Variants in RBFOX1 observed in about 807,000 individuals in gnomAD.
RBFOX1 encodes RNA binding fox-1 homolog 1, also known as RNA binding protein fox-1 homolog 1.
A neutral mutation model predicts 57.7 loss-of-function variants in RBFOX1; 8 were observed. That is an observed-to-expected ratio of 0.14 (90% CI 0.08 to 0.25). The LOEUF is 0.25. Ranked by LOEUF, RBFOX1 falls within the 10% of genes least tolerant of loss-of-function variation. The pLI is 1.00. For synonymous variants in RBFOX1, 326 were observed against 222.4 expected (o/e 1.47, Z -4.15); for missense variants, 611 against 548.5 (o/e 1.11, Z -1.14).
chr16:7,462,416 A>T (rs1048020340), intron 4 of RBFOX1, among the ~76,000 whole-genome samples: 1 of 152,212 alleles, frequency 6.6e-6, no homozygotes, highest in African/African-American at 2.4e-5. Flanking sequence ...ACTTAAACCC[A>T]GGAGGCAGAG....
chr16:6,186,754 G>T (rs373330926), intron 1 of RBFOX1, among the ~76,000 whole-genome samples: 2 of 152,176 alleles, frequency 1.3e-5, no homozygotes, highest in Non-Finnish European at 2.9e-5. Flanking sequence ...GGGGAGCAGT[G>T]AACATGGCAA....
At chr16:6,337,748 G>T (rs1371627239) in intron 2 of RBFOX1, among the ~76,000 whole-genome samples, 3 of 152,108 alleles carry the variant, frequency 2.0e-5, no homozygotes, top group African/African-American at 7.2e-5. Context: ...AAAAATAAAA[G>T]TATTAAAGTG....
intron 13 of RBFOX1, 46 bp downstream of exon 13, chr16:7,665,014 T>C: frequency 6.2e-7 from 1 of 1,613,608 alleles, no homozygotes; most frequent in Non-Finnish European, 8.5e-7. Context: ...CCTCCTGGAG[T>C]CATTCTTTTT....
At chr16:6,354,607 C>G (rs967376381) in intron 2 of RBFOX1, among the ~76,000 whole-genome samples, 4 of 152,302 alleles carry the variant, frequency 2.6e-5, no homozygotes, top group Non-Finnish European at 5.9e-5. Flanking sequence ...CTTCTGTTTC[C>G]TCTTCCTGAC....
At chr16:6,156,549 A>C (rs7191026) in intron 1 of RBFOX1, among the ~76,000 whole-genome samples, 32,654 of 152,126 alleles carry the variant, frequency 0.21, 6,225 homozygotes, top group African/African-American at 0.52. Context: ...TCTTTTGGCA[A>C]AGTTGTGTGG....
At chr16:5,390,267 A>AT (rs1467175841) in intron 1 of RBFOX1, among the ~76,000 whole-genome samples, 3 of 147,908 alleles carry the variant, frequency 2.0e-5, no homozygotes, top group Non-Finnish European at 4.5e-5. Context: ...TAGTATGTAA[A>AT]TATCGAAAAG....
intron 1 of RBFOX1, among the ~76,000 whole-genome samples, chr16:6,303,296 A>G (rs1453005956): frequency 1.3e-5 from 2 of 152,094 alleles, no homozygotes; most frequent in African/African-American, 4.8e-5. Context: ...ATTAAATAAG[A>G]TAATAAGGTG....
At chr16:5,796,891 T>A in intron 3 of RBFOX1, among the ~76,000 whole-genome samples, 1 of 152,224 alleles carries the variant, frequency 6.6e-6, no homozygotes, top group East Asian at 1.9e-4. Flanking sequence ...GTTCATCGAT[T>A]ATTTACTCAT....
intron 4 of RBFOX1, among the ~76,000 whole-genome samples, chr16:7,176,143 C>G (rs1392835586): frequency 2.0e-5 from 3 of 150,854 alleles, no homozygotes; most frequent in African/African-American, 7.4e-5. Flanking sequence ...CCCGGTGCTA[C>G]ATGCTAGGTG....
At chr16:6,958,435 G>A (rs998017325) in intron 3 of RBFOX1, among the ~76,000 whole-genome samples, 1 of 152,016 alleles carries the variant, frequency 6.6e-6, no homozygotes. Context: ...ATAAAGCATT[G>A]GGCAAGGACC....
At chr16:6,985,248 A>G (rs972486705) in intron 3 of RBFOX1, among the ~76,000 whole-genome samples, 3 of 152,176 alleles carry the variant, frequency 2.0e-5, no homozygotes, top group Admixed American at 6.5e-5. Flanking sequence ...TCTGGGCTAC[A>G]TGCCACATAT....
intron 3 of RBFOX1, among the ~76,000 whole-genome samples, chr16:5,652,520 A>T (rs2049274266): frequency 6.6e-6 from 1 of 152,158 alleles, no homozygotes; most frequent in South Asian, 2.1e-4. Flanking sequence ...AGGAGGGATG[A>T]CAGGATTATA....
At chr16:5,913,590 C>T (rs2058648592) in intron 4 of RBFOX1, among the ~76,000 whole-genome samples, 1 of 152,192 alleles carries the variant, frequency 6.6e-6, no homozygotes, top group South Asian at 2.1e-4. Flanking sequence ...ATGCTGGAGC[C>T]ATGCTTGTAC....
chr16:7,133,993 T>G (rs970906275), intron 4 of RBFOX1, among the ~76,000 whole-genome samples: 2 of 152,256 alleles, frequency 1.3e-5, no homozygotes, highest in African/African-American at 4.8e-5. Flanking sequence ...CATTCAATTC[T>G]AAGCCTTGCA....
At chr16:6,386,741 G>C (rs550015495) in intron 2 of RBFOX1, among the ~76,000 whole-genome samples, 1 of 152,274 alleles carries the variant, frequency 6.6e-6, no homozygotes, top group Admixed American at 6.5e-5. Context: ...ACGGTAAATG[G>C]AATAGTTTAG....
At chr16:5,329,856 G>T (rs1315966829) in intron 1 of RBFOX1, among the ~76,000 whole-genome samples, 2 of 152,148 alleles carry the variant, frequency 1.3e-5, no homozygotes, top group East Asian at 1.9e-4. Flanking sequence ...AAAAATATTA[G>T]CCAGGTGTGA....
chr16:7,270,234 G>T (rs1006645156), intron 4 of RBFOX1, among the ~76,000 whole-genome samples: 1 of 152,234 alleles, frequency 6.6e-6, no homozygotes, highest in African/African-American at 2.4e-5. Context: ...GACCTTCTCA[G>T]TTAGGTGTGA....
intron 3 of RBFOX1, among the ~76,000 whole-genome samples, chr16:5,665,061 C>T (rs8058778): frequency 0.97 from 145,621 of 150,366 alleles, 70,535 homozygotes; most frequent in East Asian, 1. Context: ...TTTTCTCGTC[C>T]CAGGCTCCCG....
intron 4 of RBFOX1, among the ~76,000 whole-genome samples, chr16:5,896,337 G>T (rs2058163029): frequency 3.3e-5 from 5 of 152,156 alleles, no homozygotes; most frequent in Admixed American, 3.3e-4. Flanking sequence ...GGTCTTTCAT[G>T]AATATATTAA....
Sources: allele counts gnomAD v4.1 joint callset (sites outside exome capture counted in the v4.1 genomes callset), GRCh38; gene constraint gnomAD v4.1.1; transcripts MANE v1.5; gene names NCBI Gene and HGNC (gene_info 2026-07-23, HGNC 2026-07-21).